NR2F1-AS1: variants seen among roughly 807,000 people sequenced by gnomAD.
NR2F1-AS1 encodes the protein NR2F1 antisense RNA 1.
At chr5:93,411,303 G>A (rs987345757) in intron 4 of NR2F1-AS1, 1 of 152,258 alleles carries the variant, frequency 6.6e-6, no homozygotes, top group African/African-American at 2.4e-5. Flanking sequence ...TTTCTGGCTA[G>A]TGAGGCACAC....
intron 4 of NR2F1-AS1, among the ~76,000 whole-genome samples, chr5:93,545,830 GGGAGACAAA>G (rs1752072174): frequency 6.6e-6 from 1 of 152,094 alleles, no homozygotes; most frequent in Non-Finnish European, 1.5e-5. Context: ...CATACTACTT[GGGAGACAAA>G]GTCAGTCAAA....
At chr5:93,487,334 A>G (rs1189843731) in intron 4 of NR2F1-AS1, among the ~76,000 whole-genome samples, 1 of 152,230 alleles carries the variant, frequency 6.6e-6, no homozygotes, top group Non-Finnish European at 1.5e-5. Flanking sequence ...ACATGATTGT[A>G]TATTTAGAAA....
chr5:93,503,388 T>C (rs1751123011), intron 4 of NR2F1-AS1, among the ~76,000 whole-genome samples: 1 of 152,182 alleles, frequency 6.6e-6, no homozygotes, highest in East Asian at 1.9e-4. Flanking sequence ...AATGTTATTA[T>C]ACTAGGAACC....
chr5:93,503,190 G>T (rs561949322), intron 4 of NR2F1-AS1, among the ~76,000 whole-genome samples: 1 of 152,254 alleles, frequency 6.6e-6, no homozygotes, highest in African/African-American at 2.4e-5. Context: ...CAAGTTGCTA[G>T]CTTAAACATG....
intron 4 of NR2F1-AS1, among the ~76,000 whole-genome samples, chr5:93,420,000 A>G (rs894588181): frequency 7.9e-5 from 12 of 152,110 alleles, no homozygotes; most frequent in African/African-American, 2.9e-4. Context: ...AGTTCAAGAC[A>G]AGCCTGACCA....
At chr5:93,523,831 A>G (rs1351962479) in intron 4 of NR2F1-AS1, among the ~76,000 whole-genome samples, 1 of 152,160 alleles carries the variant, frequency 6.6e-6, no homozygotes, top group African/African-American at 2.4e-5. Context: ...GGACAACCAC[A>G]CAAAAACTCC....
At chr5:93,485,012 C>T (rs895191977) in intron 4 of NR2F1-AS1, among the ~76,000 whole-genome samples, 1 of 152,052 alleles carries the variant, frequency 6.6e-6, no homozygotes, top group Admixed American at 6.6e-5. Context: ...CACAATAATA[C>T]TGGGAGACTT....
At chr5:93,527,164 T>C (rs1751635681) in intron 4 of NR2F1-AS1, among the ~76,000 whole-genome samples, 1 of 152,148 alleles carries the variant, frequency 6.6e-6, no homozygotes, top group Admixed American at 6.5e-5. Context: ...GGATACAAAA[T>C]CAATGTGCAA....
chr5:93,575,724 C>CA (rs1453127987), intron 1 of NR2F1-AS1, among the ~76,000 whole-genome samples: 2 of 148,860 alleles, frequency 1.3e-5, no homozygotes, highest in Non-Finnish European at 3.0e-5. Context: ...TAATTGTTTG[C>CA]TTTTTTTTTT....
At chr5:93,434,433 T>C (rs908544735) in intron 4 of NR2F1-AS1, among the ~76,000 whole-genome samples, 3 of 152,198 alleles carry the variant, frequency 2.0e-5, no homozygotes, top group African/African-American at 4.8e-5. Context: ...TTTGCCACAA[T>C]TGCTGTATCA....
intron 4 of NR2F1-AS1, among the ~76,000 whole-genome samples, chr5:93,416,902 G>C (rs1445690620): frequency 1.3e-5 from 2 of 152,052 alleles, no homozygotes; most frequent in African/African-American, 4.8e-5. Flanking sequence ...CTTATTTTAG[G>C]TAATATTTAC....
At position 93,458,317 on chromosome 5, in the gene NR2F1-AS1, T is replaced by G. The variant is rs554402715; in HGVS notation, n.639-62775A>C. ...AGTACTTAAACTATCATAACCAATATGATGTGATACTGGCTTAAAGAAATA... is the reference window on the plus strand; with the variant it reads ...AGTACTTAAACTATCATAACCAATAGGATGTGATACTGGCTTAAAGAAATA... On this transcript the variant is annotated intron_variant and non_coding_transcript_variant, in intron 4 of 5. Transcript: ENST00000660523. 2.0e-5 allele frequency among the ~76,000 whole-genome samples: 3 copies of G among 152,290 alleles called. No homozygotes were observed. The East Asian group carries it at 5.8e-4, about 29-fold the overall frequency.
At chr5:93,513,071 A>T (rs191799621) in intron 4 of NR2F1-AS1, among the ~76,000 whole-genome samples, 2 of 152,294 alleles carry the variant, frequency 1.3e-5, no homozygotes, top group African/African-American at 4.8e-5. Context: ...AATTCTCAAC[A>T]TCACTAATCA....
intron 2 of NR2F1-AS1, among the ~76,000 whole-genome samples, chr5:93,555,677 A>G (rs1420938077): frequency 6.6e-6 from 1 of 152,218 alleles, no homozygotes; most frequent in Non-Finnish European, 1.5e-5. Flanking sequence ...CTAATGGTAT[A>G]TGGAGTTATG....
chr5:93,517,909 T>C (rs1306362815), intron 4 of NR2F1-AS1, among the ~76,000 whole-genome samples: 1 of 152,066 alleles, frequency 6.6e-6, no homozygotes, highest in East Asian at 1.9e-4. Flanking sequence ...TTTACAAACT[T>C]GAATAAGTTT....
intron 4 of NR2F1-AS1, among the ~76,000 whole-genome samples, chr5:93,475,432 C>T (rs897107647): frequency 1.6e-4 from 24 of 152,078 alleles, no homozygotes; most frequent in Non-Finnish European, 2.6e-4. Flanking sequence ...TGTTATTCTG[C>T]CTACATTAAC....
At chr5:93,529,391 A>G (rs949850966) in intron 4 of NR2F1-AS1, among the ~76,000 whole-genome samples, 2 of 152,204 alleles carry the variant, frequency 1.3e-5, no homozygotes, top group East Asian at 3.9e-4. Context: ...CTGTCTTAGT[A>G]ACGCTTGGAT....
At chr5:93,486,081 G>C (rs1387288094) in intron 4 of NR2F1-AS1, among the ~76,000 whole-genome samples, 136 of 127,448 alleles carry the variant, frequency 1.1e-3, no homozygotes, top group Middle Eastern at 7.4e-3. Flanking sequence ...CATGGACACA[G>C]GAAGGGGAAC....
chr5:93,503,000 G>C (rs1337278757), intron 4 of NR2F1-AS1, among the ~76,000 whole-genome samples: 2 of 152,116 alleles, frequency 1.3e-5, no homozygotes, highest in Admixed American at 1.3e-4. Context: ...TATGGGAAAG[G>C]AGAGAAAAGG....
Sources: allele counts gnomAD v4.1 joint callset (sites outside exome capture counted in the v4.1 genomes callset), GRCh38; gene constraint gnomAD v4.1.1; transcripts MANE v1.5; gene names NCBI Gene and HGNC (gene_info 2026-07-23, HGNC 2026-07-21).